STAU2: variants seen among roughly 807,000 people sequenced by gnomAD.
STAU2 encodes the protein double-stranded RNA-binding protein Staufen homolog 2.
In STAU2, 20 loss-of-function variants were observed where a neutral mutation model predicts 65.9. The observed-to-expected ratio is 0.30, with a 90% CI of 0.21 to 0.44. The LOEUF (loss-of-function observed/expected upper bound fraction) is 0.44, where lower values mean the gene tolerates loss of function less well. STAU2 is among the 20% of genes least tolerant of loss of function. STAU2 has a pLI of 1.00. For synonymous variants in STAU2, 232 were observed against 233.9 expected, an observed-to-expected ratio of 0.99 and a Z score of 0.07; for missense variants, 558 against 683.9, an observed-to-expected ratio of 0.82 and a Z score of 2.05.
chr8:73,556,771 C>G (rs10458306), intron 12 of STAU2, among the ~76,000 whole-genome samples: 29 of 152,010 alleles, frequency 1.9e-4, no homozygotes, highest in African/African-American at 5.3e-4. Context: ...CAGTTATCAA[C>G]AGTAACAGAA....
chr8:73,615,613 T>A, intron 8 of STAU2, 62 bp downstream of exon 8: 10 of 1,282,318 alleles, frequency 7.8e-6, no homozygotes, highest in Non-Finnish European at 1.1e-5. Context: ...GTTAATTTGA[T>A]TTGTTTGTTT....
intron 12 of STAU2, among the ~76,000 whole-genome samples, chr8:73,570,164 A>C (rs879497812): frequency 6.6e-6 from 1 of 152,248 alleles, no homozygotes; most frequent in African/African-American, 2.4e-5. Context: ...GAACTACGTG[A>C]CGCATGCACA....
chr8:73,580,035 A>T (rs767417328), intron 12 of STAU2, among the ~76,000 whole-genome samples: 8 of 152,148 alleles, frequency 5.3e-5, no homozygotes, highest in Non-Finnish European at 8.8e-5. Flanking sequence ...CCAGATTAAA[A>T]TTCCCCTCTT....
intron 6 of STAU2, among the ~76,000 whole-genome samples, chr8:73,658,752 C>A (rs1263807517): frequency 2.0e-5 from 3 of 151,414 alleles, no homozygotes; most frequent in Non-Finnish European, 4.4e-5. Context: ...GTCTTCACTA[C>A]AAATACAAAA....
chr8:73,473,838 G>A (rs1820172032), intron 13 of STAU2, among the ~76,000 whole-genome samples: 1 of 152,224 alleles, frequency 6.6e-6, no homozygotes, highest in African/African-American at 2.4e-5. Flanking sequence ...TCATGCCAAG[G>A]ATGGCAGGCA....
chr8:73,553,970 T>A (rs879780645), intron 12 of STAU2, among the ~76,000 whole-genome samples: 1 of 152,142 alleles, frequency 6.6e-6, no homozygotes, highest in Non-Finnish European at 1.5e-5. Context: ...AATGTTTTCC[T>A]GTTTCTTCAT....
At chr8:73,464,645 T>G (rs955422190) in intron 13 of STAU2, among the ~76,000 whole-genome samples, 3 of 152,144 alleles carry the variant, frequency 2.0e-5, no homozygotes, top group Admixed American at 1.3e-4. Context: ...AATAGCTCAA[T>G]GTTTCTCTTG....
chr8:73,606,564 T>C (rs548732471), intron 9 of STAU2, among the ~76,000 whole-genome samples: 131 of 152,286 alleles, frequency 8.6e-4, no homozygotes, highest in African/African-American at 3.1e-3. Context: ...TACATGAACA[T>C]CTGAAATTTT....
chr8:73,533,363 T>C (rs986298052), intron 13 of STAU2, among the ~76,000 whole-genome samples: 1 of 152,220 alleles, frequency 6.6e-6, no homozygotes, highest in Non-Finnish European at 1.5e-5. Flanking sequence ...TCTTTGAAAT[T>C]TGCAAATCTA....
intron 6 of STAU2, among the ~76,000 whole-genome samples, chr8:73,642,289 C>T (rs1181978341): frequency 6.6e-6 from 1 of 152,118 alleles, no homozygotes; most frequent in Non-Finnish European, 1.5e-5. Context: ...CTTTATGAGG[C>T]CAAGGTGGGT....
chr8:73,511,909 T>C (rs1483775661), intron 13 of STAU2, among the ~76,000 whole-genome samples: 1 of 152,210 alleles, frequency 6.6e-6, no homozygotes, highest in Non-Finnish European at 1.5e-5. Flanking sequence ...AAGTCTATTA[T>C]CTATTTTGAG....
intron 3 of STAU2, among the ~76,000 whole-genome samples, chr8:73,714,243 T>C (rs1821096097): frequency 6.6e-6 from 1 of 152,156 alleles, no homozygotes; most frequent in African/African-American, 2.4e-5. Flanking sequence ...TTCCCCTTTC[T>C]CTATTCTCTG....
intron 10 of STAU2, among the ~76,000 whole-genome samples, chr8:73,602,987 A>T (rs1303334299): frequency 6.6e-6 from 1 of 152,176 alleles, no homozygotes; most frequent in African/African-American, 2.4e-5. Context: ...AGTGTGGCAA[A>T]AATCTTAATA....
rs371435229 is a variant in STAU2, at chr8:73,603,861, G to A, written c.894C>T (p.Ala298=). 12 of 1,578,184 alleles carry A rather than the reference G, an allele frequency of 7.6e-6. No homozygotes were observed. The African/African-American group carries it at 8.3e-5, about 11-fold the overall frequency. Reference sequence around the variant, plus strand: ...TCATCCCTTGGCCATATTCTGGTCCGGCCTAAAAATTAATTTAAGAAAAAG... The same window carrying A: ...TCATCCCTTGGCCATATTCTGGTCCAGCCTAAAAATTAATTTAAGAAAAAG... The part of the protein sequence containing the change: ...FKKRPKTIVK[A]GPEYGQGMNP... The change falls in exon 10 of 15, where the codon GCC becomes GCT. Residue 298 remains alanine (A), a splice_region_variant and synonymous_variant. Coordinates refer to ENST00000524300, the MANE Select transcript of STAU2 (RefSeq NM_001164380.2).
chr8:73,470,466 G>C (rs955287044), intron 13 of STAU2, among the ~76,000 whole-genome samples: 1 of 152,128 alleles, frequency 6.6e-6, no homozygotes, highest in African/African-American at 2.4e-5. Context: ...AAGCAAAGTC[G>C]TAGGCTGGGG....
chr8:73,531,997 G>T (rs552779073), intron 13 of STAU2, among the ~76,000 whole-genome samples: 1 of 152,266 alleles, frequency 6.6e-6, no homozygotes, highest in South Asian at 2.1e-4. Context: ...TAAGGCCCCT[G>T]CAGCCAACTT....
At chr8:73,498,756 C>A (rs917878297) in intron 13 of STAU2, among the ~76,000 whole-genome samples, 1 of 151,712 alleles carries the variant, frequency 6.6e-6, no homozygotes, top group African/African-American at 2.4e-5. Flanking sequence ...GTATATGAAC[C>A]AAGTGTCAAA....
chr8:73,643,511 C>T (rs2130149171), intron 6 of STAU2, among the ~76,000 whole-genome samples: 1 of 152,248 alleles, frequency 6.6e-6, no homozygotes, highest in South Asian at 2.1e-4. Flanking sequence ...AGGGTTAGCC[C>T]AAATAGTATA....
intron 1 of STAU2, among the ~76,000 whole-genome samples, chr8:73,746,159 A>G (rs1279106922): frequency 1.3e-5 from 2 of 150,042 alleles, no homozygotes; most frequent in Non-Finnish European, 3.0e-5. Context: ...GGCCCCACCT[A>G]CCCTCCCCAT....
Sources: allele counts gnomAD v4.1 joint callset (sites outside exome capture counted in the v4.1 genomes callset), GRCh38; gene constraint gnomAD v4.1.1; transcripts MANE v1.5; gene names NCBI Gene and HGNC (gene_info 2026-07-23, HGNC 2026-07-21).